The following FOXP2 variants were observed in gnomAD, a reference collection of about 807,000 sequenced individuals.
FOXP2 encodes forkhead box protein P2.
A neutral mutation model predicts 115.8 loss-of-function variants in FOXP2; 12 were observed. The observed-to-expected ratio is 0.10, with a 90% CI of 0.07 to 0.17. The LOEUF is 0.17. FOXP2 is among the 10% of genes least tolerant of loss of function. The pLI, the probability that FOXP2 is intolerant of heterozygous loss-of-function variation, is 1.00. For synonymous variants in FOXP2, 328 were observed against 297.7 expected (o/e 1.10, Z -1.05); for missense variants, 629 against 843.5 (o/e 0.75, Z 3.15).
At chr7:114,469,233 A>G in intron 2 of FOXP2, among the ~76,000 whole-genome samples, 2 of 152,286 alleles carry the variant, frequency 1.3e-5, no homozygotes, top group Middle Eastern at 3.4e-3. Context: ...TAGTATATAT[A>G]TATAGTATCT....
intron 2 of FOXP2, among the ~76,000 whole-genome samples, chr7:114,524,190 T>A (rs372428095): frequency 6.6e-6 from 1 of 152,146 alleles, no homozygotes; most frequent in Non-Finnish European, 1.5e-5. Flanking sequence ...ATATTGGCCT[T>A]TTTTTCTGTA....
intron 1 of FOXP2, among the ~76,000 whole-genome samples, chr7:114,425,265 T>G (rs1032094059): frequency 2.6e-5 from 4 of 151,654 alleles, no homozygotes; most frequent in African/African-American, 4.8e-5. Flanking sequence ...GATTGAGTGA[T>G]AAGTTTACTG....
chr7:114,479,296 C>A (rs1796421216), intron 2 of FOXP2, among the ~76,000 whole-genome samples: 1 of 151,438 alleles, frequency 6.6e-6, no homozygotes, highest in South Asian at 2.1e-4. Context: ...ATCACAGACA[C>A]AATGTGGTAA....
intron 1 of FOXP2, among the ~76,000 whole-genome samples, chr7:114,127,344 C>T (rs1210619279): frequency 6.6e-6 from 1 of 152,084 alleles, no homozygotes; most frequent in East Asian, 1.9e-4. Context: ...AGGTCCTTGC[C>T]ATGGTCAAGG....
At chr7:114,503,544 CATTT>C (rs956899287) in intron 2 of FOXP2, among the ~76,000 whole-genome samples, 26 of 151,076 alleles carry the variant, frequency 1.7e-4, no homozygotes, top group Non-Finnish European at 2.7e-4. Flanking sequence ...ATCAAGGATA[CATTT>C]ATTATATCTA....
intron 2 of FOXP2, among the ~76,000 whole-genome samples, chr7:114,526,572 T>C (rs963596863): frequency 6.6e-6 from 1 of 152,078 alleles, no homozygotes; most frequent in African/African-American, 2.4e-5. Context: ...AAAACAATTG[T>C]TTGCACTCAT....
At chr7:114,655,793 A>G (rs962142017) in intron 10 of FOXP2, among the ~76,000 whole-genome samples, 10 of 152,176 alleles carry the variant, frequency 6.6e-5, no homozygotes, top group Non-Finnish European at 1.3e-4. Flanking sequence ...CTATCAGTAC[A>G]TGAACACAAG....
chr7:114,357,919 A>G (rs1034179931), intron 2 of FOXP2, among the ~76,000 whole-genome samples: 10 of 152,278 alleles, frequency 6.6e-5, no homozygotes, highest in South Asian at 6.2e-4. Flanking sequence ...ATAAGAAATG[A>G]GGTCAGATAG....
chr7:114,249,941 C>T (rs1795395056), intron 1 of FOXP2, among the ~76,000 whole-genome samples: 1 of 129,496 alleles, frequency 7.7e-6, no homozygotes, highest in Admixed American at 8.0e-5. Context: ...AATGCTATCC[C>T]TCCCCCCTCC....
chr7:114,286,295 T>C (rs1356556180), intron 1 of FOXP2, among the ~76,000 whole-genome samples: 1 of 151,946 alleles, frequency 6.6e-6, no homozygotes, highest in Non-Finnish European at 1.5e-5. Context: ...TTTTATAGAG[T>C]AGGTTTTCTC....
intron 1 of FOXP2, among the ~76,000 whole-genome samples, chr7:114,090,189 G>A (rs529948391): frequency 1.3e-5 from 2 of 152,012 alleles, no homozygotes; most frequent in Non-Finnish European, 3.0e-5. Context: ...TAACTTGTAA[G>A]AAGAGAATGA....
At chr7:114,182,572 A>AT (rs1473969804) in intron 1 of FOXP2, among the ~76,000 whole-genome samples, 2 of 150,816 alleles carry the variant, frequency 1.3e-5, no homozygotes, top group African/African-American at 4.9e-5. Flanking sequence ...CACTAATGAG[A>AT]TTTTTTGGTA....
chr7:114,283,604 G>T (rs1323528592), intron 1 of FOXP2, among the ~76,000 whole-genome samples: 1 of 152,008 alleles, frequency 6.6e-6, no homozygotes, highest in Non-Finnish European at 1.5e-5. Context: ...CCAAGTAGCT[G>T]ATTAGAAGAC....
At chr7:114,183,881 T>C (rs940219815) in intron 1 of FOXP2, among the ~76,000 whole-genome samples, 12 of 152,160 alleles carry the variant, frequency 7.9e-5, no homozygotes, top group African/African-American at 2.9e-4. Context: ...TAAAGTGTTT[T>C]GTTGGGTCCA....
At chr7:114,667,798 G>T (rs1288166946) in intron 16 of FOXP2, 1 of 152,114 alleles carries the variant, frequency 6.6e-6, no homozygotes, top group South Asian at 2.1e-4. Context: ...ATCTAAAAGT[G>T]TACTGAATGA....
chr7:114,233,032 C>T (rs563545797), intron 1 of FOXP2, among the ~76,000 whole-genome samples: 1 of 152,136 alleles, frequency 6.6e-6, no homozygotes, highest in East Asian at 1.9e-4. Flanking sequence ...TGGGGAGCTT[C>T]CGTTCAATGG....
chr7:114,109,690 T>G (rs1376005853), intron 1 of FOXP2, among the ~76,000 whole-genome samples: 1 of 152,114 alleles, frequency 6.6e-6, no homozygotes, highest in African/African-American at 2.4e-5. Context: ...TTCTTAGAAC[T>G]TATTTTTACT....
At chr7:114,539,608 C>A (rs185383358) in intron 3 of FOXP2, among the ~76,000 whole-genome samples, 1 of 152,032 alleles carries the variant, frequency 6.6e-6, no homozygotes, top group African/African-American at 2.4e-5. Context: ...CAGACTATGT[C>A]TTGTGTGGCT....
At chr7:114,381,606 T>C (rs2129191872) in intron 2 of FOXP2, among the ~76,000 whole-genome samples, 1 of 152,284 alleles carries the variant, frequency 6.6e-6, no homozygotes, top group East Asian at 1.9e-4. Context: ...TCCAGGACTG[T>C]AAACCACTCT....
Sources: gnomAD v4.1 joint callset for allele counts (sites outside exome capture counted in the v4.1 genomes callset) on GRCh38, gnomAD v4.1.1 for gene constraint, MANE v1.5 for transcripts, NCBI Gene and HGNC (gene_info 2026-07-23, HGNC 2026-07-21) for gene names.